Variants in SPRED1 observed in about 807,000 individuals in gnomAD.
The protein encoded by SPRED1 is sprouty-related, EVH1 domain-containing protein 1.
In SPRED1, 18 loss-of-function variants were observed where a neutral mutation model predicts 52.3. The ratio of observed to expected loss-of-function variants is 0.34; its 90% CI spans 0.24 to 0.51. The LOEUF (loss-of-function observed/expected upper bound fraction) is 0.51, where lower values mean the gene tolerates loss of function less well. Ranked by LOEUF, SPRED1 falls within the 20% of genes least tolerant of loss-of-function variation. SPRED1 has a pLI of 0.97. For synonymous variants in SPRED1, 155 were observed against 179.7 expected (o/e 0.86, Z 1.10); for missense variants, 485 against 551.0 (o/e 0.88, Z 1.20).
intron 2 of SPRED1, among the ~76,000 whole-genome samples, chr15:38,306,709 G>C (rs1055890099): frequency 2.6e-5 from 4 of 152,108 alleles, no homozygotes; most frequent in Admixed American, 2.6e-4. Context: ...TGTGGGAACT[G>C]GTTCCTGAAA....
intron 1 of SPRED1, among the ~76,000 whole-genome samples, chr15:38,293,230 G>T (rs1894962368): frequency 6.7e-6 from 1 of 149,894 alleles, no homozygotes. Flanking sequence ...CTCCTGAGTA[G>T]TTGGGACTAC....
chr15:38,305,538 G>C (rs1287823427), intron 2 of SPRED1, among the ~76,000 whole-genome samples: 1 of 151,812 alleles, frequency 6.6e-6, no homozygotes, highest in Non-Finnish European at 1.5e-5. Context: ...AGTAAAACAG[G>C]AAAATGATAT....
chr15:38,286,421 C>T (rs911099911), intron 1 of SPRED1, among the ~76,000 whole-genome samples: 1 of 151,666 alleles, frequency 6.6e-6, no homozygotes, highest in African/African-American at 2.4e-5. Flanking sequence ...TTTTGTTTTT[C>T]TAATGGGAAA....
chr15:38,345,584 A>T (rs1390860627), intron 5 of SPRED1, among the ~76,000 whole-genome samples: 2 of 152,200 alleles, frequency 1.3e-5, no homozygotes, highest in Non-Finnish European at 2.9e-5. Flanking sequence ...TATTATTCAC[A>T]GTACAATAGT....
chr15:38,283,416 A>G (rs1894736656), intron 1 of SPRED1: 6 of 579,328 alleles, frequency 1.0e-5, no homozygotes, highest in Non-Finnish European at 1.3e-5. Flanking sequence ...TATAGGGAAT[A>G]ATGTGAAGGG....
chr15:38,283,387 C>G (rs558507715), intron 1 of SPRED1: 2 of 375,778 alleles, frequency 5.3e-6, no homozygotes, highest in Non-Finnish European at 7.3e-6. Context: ...GACACAGAGC[C>G]AGACCATGTC....
chr15:38,335,603 T>G (rs1895897145), intron 4 of SPRED1, among the ~76,000 whole-genome samples: 1 of 152,098 alleles, frequency 6.6e-6, no homozygotes, highest in South Asian at 2.1e-4. Flanking sequence ...GTATTTAAGC[T>G]AAAAAATGAT....
At chr15:38,303,279 TCTTTAATA>T (rs576617590) in intron 2 of SPRED1, among the ~76,000 whole-genome samples, 49 of 152,324 alleles carry the variant, frequency 3.2e-4, no homozygotes, top group African/African-American at 1.2e-3. Flanking sequence ...TTCCTTTAAT[TCTTTAATA>T]CAAGTTAGTA....
At chr15:38,322,102 AAGT>A (rs1335837796) in intron 2 of SPRED1, 136 bp from the exon 3 acceptor site, 1 of 803,402 alleles carries the variant, frequency 1.2e-6, no homozygotes, top group East Asian at 2.7e-5. Context: ...TGACTTTGTG[AAGT>A]AGACCACTTT....
chr15:38,288,829 A>T (rs968143754), intron 1 of SPRED1, among the ~76,000 whole-genome samples: 3 of 151,998 alleles, frequency 2.0e-5, no homozygotes, highest in Non-Finnish European at 4.4e-5. Flanking sequence ...AATATTTAGG[A>T]TTATTCAAAG....
At chr15:38,302,318 A>G (rs1424260693) in intron 2 of SPRED1, among the ~76,000 whole-genome samples, 1 of 152,186 alleles carries the variant, frequency 6.6e-6, no homozygotes, top group Non-Finnish European at 1.5e-5. Flanking sequence ...TTGATTTACA[A>G]TTACAGGTAC....
chr15:38,285,157 C>T (rs1441598145), intron 1 of SPRED1, among the ~76,000 whole-genome samples: 2 of 152,076 alleles, frequency 1.3e-5, no homozygotes, highest in East Asian at 3.8e-4. Context: ...ACTTGAATAA[C>T]TACTAGGAAA....
intron 1 of SPRED1, among the ~76,000 whole-genome samples, chr15:38,278,485 C>A (rs576442464): frequency 6.6e-6 from 1 of 152,162 alleles, no homozygotes; most frequent in African/African-American, 2.4e-5. Flanking sequence ...CCTGTCTCCT[C>A]CTCCAAAAAA....
chr15:38,260,816 C>T (rs1031258605), intron 1 of SPRED1, among the ~76,000 whole-genome samples: 3 of 152,154 alleles, frequency 2.0e-5, no homozygotes, highest in Non-Finnish European at 4.4e-5. Flanking sequence ...CTAAAATCTT[C>T]TGCAATGGAC....
chr15:38,312,738 GAAATT>G (rs1233934042), intron 2 of SPRED1, among the ~76,000 whole-genome samples: 2 of 151,960 alleles, frequency 1.3e-5, no homozygotes, highest in Non-Finnish European at 2.9e-5. Context: ...AGTTTTTTAG[GAAATT>G]GGCTTGTTTC....
At chr15:38,298,692 A>T (rs2140977872) in intron 1 of SPRED1, 2 of 221,340 alleles carry the variant, frequency 9.0e-6, no homozygotes, top group South Asian at 1.2e-4. Context: ...TATCATGTTG[A>T]TTATACATGT....
intron 1 of SPRED1, among the ~76,000 whole-genome samples, chr15:38,284,211 G>A (rs1479944492): frequency 6.6e-6 from 1 of 152,044 alleles, no homozygotes; most frequent in Non-Finnish European, 1.5e-5. Flanking sequence ...CATAGTAGTG[G>A]CTGAAAATTT....
At chr15:38,284,460 A>G (rs1039415192) in intron 1 of SPRED1, among the ~76,000 whole-genome samples, 1 of 152,142 alleles carries the variant, frequency 6.6e-6, no homozygotes, top group Admixed American at 6.5e-5. Context: ...GCCATATATG[A>G]TAACATGTTT....
chr15:38,340,995 A>ATTTT (rs36150872), intron 5 of SPRED1, among the ~76,000 whole-genome samples: 44,509 of 128,002 alleles, frequency 0.35, 8,412 homozygotes, highest in East Asian at 0.5. Flanking sequence ...CTGGGCCTGG[A>ATTTT]TTTTTTTTTT....
Sources: gnomAD v4.1 joint callset for allele counts (sites outside exome capture counted in the v4.1 genomes callset) on GRCh38, gnomAD v4.1.1 for gene constraint, MANE v1.5 for transcripts, NCBI Gene and HGNC (gene_info 2026-07-23, HGNC 2026-07-21) for gene names.